PPARGC1A: variants seen among roughly 807,000 people sequenced by gnomAD.
The protein encoded by PPARGC1A is peroxisome proliferator-activated receptor gamma coactivator 1-alpha.
Under a neutral mutation model 88.7 loss-of-function variants are expected in PPARGC1A, and 25 were observed. The ratio of observed to expected loss-of-function variants is 0.28; its 90% confidence interval spans 0.21 to 0.39. PPARGC1A has a LOEUF of 0.39. Ranked by LOEUF, PPARGC1A falls within the 10% of genes least tolerant of loss-of-function variation. PPARGC1A has a pLI of 1.00. For synonymous variants in PPARGC1A, 363 were observed against 355.6 expected, an observed-to-expected ratio of 1.02 and a Z score of -0.24; for missense variants, 880 against 968.7, an observed-to-expected ratio of 0.91 and a Z score of 1.22.
At chr4:23,942,098 G>T in the PPARGC1A span, among the ~76,000 whole-genome samples, 2 of 151,946 alleles carry the variant, frequency 1.3e-5, no homozygotes, top group African/African-American at 4.8e-5. Flanking sequence ...AGAAAGAGAA[G>T]AATCACACTC....
At chr4:24,125,746 A>G in the PPARGC1A span, among the ~76,000 whole-genome samples, 1 of 152,098 alleles carries the variant, frequency 6.6e-6, no homozygotes, top group African/African-American at 2.4e-5. Context: ...GAGACCTCAT[A>G]CCCCCAATAT....
At chr4:24,414,256 T>C in the PPARGC1A span, among the ~76,000 whole-genome samples, 1 of 152,224 alleles carries the variant, frequency 6.6e-6, no homozygotes, top group Admixed American at 6.5e-5. Context: ...TCTCATTTAA[T>C]TTTGCCCAAA....
chr4:24,012,887 G>C, the PPARGC1A span, among the ~76,000 whole-genome samples: 1 of 152,106 alleles, frequency 6.6e-6, no homozygotes, highest in Non-Finnish European at 1.5e-5. Context: ...TTTTGTGATT[G>C]AGCAAGTATT....
intron 1 of PPARGC1A, among the ~76,000 whole-genome samples, chr4:23,886,442 G>C (rs1023722917): frequency 1.3e-5 from 2 of 152,018 alleles, no homozygotes; most frequent in African/African-American, 2.4e-5. Context: ...GGGGAGGATG[G>C]GGGGAGACTG....
the PPARGC1A span, among the ~76,000 whole-genome samples, chr4:24,131,855 G>A: frequency 3.9e-5 from 6 of 152,172 alleles, no homozygotes; most frequent in African/African-American, 1.4e-4. Flanking sequence ...TACCTCTCAT[G>A]ACGTAAGCAG....
chr4:24,045,681 G>C, the PPARGC1A span, among the ~76,000 whole-genome samples: 1 of 152,036 alleles, frequency 6.6e-6, no homozygotes, highest in Admixed American at 6.6e-5. Flanking sequence ...ATTGGATTAG[G>C]ACCTGCACTA....
At chr4:24,374,909 T>G in the PPARGC1A span, among the ~76,000 whole-genome samples, 2 of 150,912 alleles carry the variant, frequency 1.3e-5, no homozygotes, top group African/African-American at 4.9e-5. Context: ...TCAAGAGAAA[T>G]GAAAACGTGT....
At chr4:24,295,173 G>A in the PPARGC1A span, among the ~76,000 whole-genome samples, 5 of 152,150 alleles carry the variant, frequency 3.3e-5, no homozygotes. Flanking sequence ...TCCTTATCAC[G>A]AGATGTTTTT....
chr4:24,318,145 A>G, the PPARGC1A span, among the ~76,000 whole-genome samples: 1 of 152,222 alleles, frequency 6.6e-6, no homozygotes, highest in Non-Finnish European at 1.5e-5. Flanking sequence ...TGATTTGTCA[A>G]ATGAAGTACA....
At chr4:24,110,734 A>G in the PPARGC1A span, among the ~76,000 whole-genome samples, 4 of 152,276 alleles carry the variant, frequency 2.6e-5, no homozygotes, top group East Asian at 5.8e-4. Context: ...AACATCTCCA[A>G]TGTGCCCAGC....
the PPARGC1A span, among the ~76,000 whole-genome samples, chr4:24,168,303 C>T: frequency 3.3e-5 from 5 of 152,184 alleles, no homozygotes; most frequent in African/African-American, 1.2e-4. Flanking sequence ...CCCATGTTCA[C>T]AGGCACATTT....
chr4:24,250,552 CTT>C, the PPARGC1A span, among the ~76,000 whole-genome samples: 2 of 152,076 alleles, frequency 1.3e-5, no homozygotes, highest in Non-Finnish European at 2.9e-5. Flanking sequence ...GGCATGCACT[CTT>C]TGAAATCTGT....
At chr4:23,991,130 G>A in the PPARGC1A span, among the ~76,000 whole-genome samples, 1 of 151,872 alleles carries the variant, frequency 6.6e-6, no homozygotes, top group South Asian at 2.1e-4. Flanking sequence ...GTCCTCAAAG[G>A]TCAGTCATAA....
the PPARGC1A span, among the ~76,000 whole-genome samples, chr4:24,120,350 G>A: frequency 2.0e-5 from 3 of 152,166 alleles, no homozygotes; most frequent in Non-Finnish European, 4.4e-5. Context: ...AGAGACAACA[G>A]AAAGACAATA....
chr4:23,837,463 T>C (rs1368185884), intron 2 of PPARGC1A, among the ~76,000 whole-genome samples: 1 of 152,112 alleles, frequency 6.6e-6, no homozygotes, highest in Non-Finnish European at 1.5e-5. Context: ...CCAGTGTATA[T>C]TCCCATCAAC....
At chr4:24,338,710 T>C in the PPARGC1A span, among the ~76,000 whole-genome samples, 1 of 152,016 alleles carries the variant, frequency 6.6e-6, no homozygotes, top group African/African-American at 2.4e-5. Flanking sequence ...CATCATGAAG[T>C]TATAGGGACT....
the PPARGC1A span, among the ~76,000 whole-genome samples, chr4:23,973,659 G>T: frequency 6.6e-6 from 1 of 152,248 alleles, no homozygotes; most frequent in South Asian, 2.1e-4. Flanking sequence ...AATTTATTCT[G>T]CAGAGTAACT....
upstream of PPARGC1A, among the ~76,000 whole-genome samples, chr4:23,894,695 G>T (rs747317431): frequency 1.3e-5 from 2 of 151,958 alleles, no homozygotes; most frequent in African/African-American, 4.8e-5. Context: ...ATGTGCTTTT[G>T]GTGTTTTTCA....
At chr4:24,124,312 A>G in the PPARGC1A span, among the ~76,000 whole-genome samples, 30 of 152,318 alleles carry the variant, frequency 2.0e-4, no homozygotes, top group African/African-American at 7.2e-4. Context: ...GGGATCACAA[A>G]TGAATCACTC....
Sources: gnomAD v4.1 joint callset for allele counts (sites outside exome capture counted in the v4.1 genomes callset) on GRCh38, gnomAD v4.1.1 for gene constraint, MANE v1.5 for transcripts, NCBI Gene and HGNC (gene_info 2026-07-23, HGNC 2026-07-21) for gene names.